The following PTPN14 variants were observed in gnomAD, a reference collection of about 807,000 sequenced individuals.
PTPN14 encodes protein tyrosine phosphatase non-receptor type 14.
In PTPN14, 53 loss-of-function variants were observed where a neutral mutation model predicts 126.8. That is an observed-to-expected ratio of 0.42 (90% CI 0.34 to 0.53). The LOEUF (loss-of-function observed/expected upper bound fraction) is 0.53. Among genes scored for constraint, PTPN14 ranks in the 20% least tolerant of loss-of-function variants. The pLI is 0.08. For synonymous variants in PTPN14, 630 were observed against 599.3 expected (o/e 1.05, Z -0.75); for missense variants, 1,257 against 1,552.9 (o/e 0.81, Z 3.20).
At chr1:214,449,967 C>A (rs1660236172) in intron 3 of PTPN14, among the ~76,000 whole-genome samples, 1 of 151,674 alleles carries the variant, frequency 6.6e-6, no homozygotes, top group Admixed American at 6.6e-5. Context: ...TTCATCTCTA[C>A]AAAATTAGAA....
intron 1 of PTPN14, among the ~76,000 whole-genome samples, chr1:214,494,817 G>A (rs1328081928): frequency 6.6e-6 from 1 of 152,126 alleles, no homozygotes; most frequent in Non-Finnish European, 1.5e-5. Context: ...TGTGTTCCTT[G>A]ACAATATTCA....
At chr1:214,434,304 AAG>A (rs1363776836) in intron 3 of PTPN14, among the ~76,000 whole-genome samples, 3 of 152,174 alleles carry the variant, frequency 2.0e-5, no homozygotes, top group Admixed American at 6.5e-5. Flanking sequence ...AAGCCAAGGA[AAG>A]AGAGGATTTT....
At chr1:214,510,447 G>A (rs1361400014) in intron 1 of PTPN14, among the ~76,000 whole-genome samples, 7 of 152,148 alleles carry the variant, frequency 4.6e-5, no homozygotes, top group Non-Finnish European at 7.3e-5. Context: ...CCTGTGAAAC[G>A]CAATAAAATG....
At chr1:214,382,926 G>A (rs1447593817) in intron 13 of PTPN14, among the ~76,000 whole-genome samples, 2 of 152,210 alleles carry the variant, frequency 1.3e-5, no homozygotes, top group Non-Finnish European at 2.9e-5. Context: ...AGGCGGTATA[G>A]GGATGTTGCT....
At chr1:214,491,912 C>T (rs1474175455) in intron 1 of PTPN14, among the ~76,000 whole-genome samples, 1 of 152,102 alleles carries the variant, frequency 6.6e-6, no homozygotes, top group Non-Finnish European at 1.5e-5. Flanking sequence ...TTACTACACT[C>T]GATCTTGGTT....
intron 7 of PTPN14, 37 bp from the exon 8 acceptor site, chr1:214,398,038 A>G (rs754557893): frequency 1.4e-6 from 2 of 1,472,816 alleles, no homozygotes; most frequent in East Asian, 2.3e-5. Context: ...GTGATGACCC[A>G]TGTTCACTGC....
rs778430533 is a variant in PTPN14 at position 214,355,307 on chromosome 1, C to CA, written c.*2614dup. 6.6e-6 allele frequency: 1 copy of CA among 152,176 alleles called. No individual in the cohort carries two copies. The highest frequency in any genetic ancestry group is 1.5e-5 in the Non-Finnish European group (1 of 68,028). 9.4% of individuals were successfully genotyped at this position (152,176 alleles called of 1,614,324 possible). A position where few individuals can be genotyped will look rare whatever the true frequency, so the allele number is the denominator to read the frequency against. ...AGATCTATATGCTGTCCACATGAGA[C>CA]ATATTCTAACAGTGCCCACCTTGGG... On this transcript the variant is annotated 3_prime_UTR_variant, in exon 19 of 19. Coordinates refer to ENST00000366956, the MANE Select transcript of PTPN14 (RefSeq NM_005401.5).
chr1:214,420,460 GATA>G (rs200289459), intron 3 of PTPN14, among the ~76,000 whole-genome samples: 1,582 of 152,214 alleles, frequency 0.01, 25 homozygotes, highest in African/African-American at 0.036. Context: ...TCCTAAAAAG[GATA>G]ATATTTGTTT....
chr1:214,352,651 G>C lies in PTPN14; in HGVS notation c.*5271C>G, dbSNP rs1018452838. 2 of 152,208 alleles carry C rather than the reference G, an allele frequency of 1.3e-5. No homozygotes were observed. The highest frequency in any genetic ancestry group is 4.8e-5 in the African/African-American group (2 of 41,454). 9.4% of individuals were successfully genotyped at this position (152,208 alleles called of 1,614,324 possible). ...GCGTTCAAGAGAAGTATCAAATGCAGTTTAACATCTTACAGCTTTATTTCC... is the reference window on the plus strand; with the variant it reads ...GCGTTCAAGAGAAGTATCAAATGCACTTTAACATCTTACAGCTTTATTTCC... On this transcript the variant is annotated 3_prime_UTR_variant, in exon 19 of 19. Coordinates refer to ENST00000366956, the MANE Select transcript of PTPN14 (RefSeq NM_005401.5).
chr1:214,497,897 T>C (rs2102426714), intron 1 of PTPN14, among the ~76,000 whole-genome samples: 1 of 152,208 alleles, frequency 6.6e-6, no homozygotes, highest in East Asian at 1.9e-4. Context: ...GCTGTCAATT[T>C]CATTAGAAAC....
rs138342668 is a variant in PTPN14 at position 214,513,714 on chromosome 1, T to A, written c.-155+37469A>T. On this transcript the variant is annotated intron_variant, in intron 1 of 18. Coordinates refer to ENST00000366956, the MANE Select transcript of PTPN14 (RefSeq NM_005401.5). The stretch of plus-strand genomic sequence containing the variant: ...ATCCCACATCTGCTACTGCTAGCTG[T>A]GTCAGTTGAGCTATATTTTTTCTGT... Among the ~76,000 whole-genome samples the A allele has an allele frequency of 1.2e-4, 18 of 152,296 alleles. No homozygotes were observed. In the East Asian group the frequency reaches 3.5e-3, roughly 29 times the overall value.
At chr1:214,532,869 TG>T in intron 1 of PTPN14, 1 of 1,046,886 alleles carries the variant, frequency 9.6e-7, no homozygotes, top group Non-Finnish European at 1.5e-6. Flanking sequence ...TTGCCAGCTC[TG>T]GGTTGACCAT....
intron 13 of PTPN14, among the ~76,000 whole-genome samples, chr1:214,380,411 A>AT (rs1658445499): frequency 6.6e-6 from 1 of 152,158 alleles, no homozygotes; most frequent in Non-Finnish European, 1.5e-5. Context: ...GTTACCAGAG[A>AT]TAAAAAAAAT....
intron 1 of PTPN14, among the ~76,000 whole-genome samples, chr1:214,520,065 A>ATATATATATATATATAT (rs1553274992): frequency 6.9e-4 from 49 of 71,084 alleles, no homozygotes; most frequent in East Asian, 2.9e-3. Flanking sequence ...AAAAAAAAAA[A>ATATATATATATATATAT]ATATATATAT....
chr1:214,451,970 T>C lies in PTPN14; in HGVS notation c.179A>G (p.His60Arg). 6.2e-7 allele frequency: 1 copy of C among 1,613,350 alleles called. No homozygotes were observed. Among genetic ancestry groups the C allele is most frequent in the Non-Finnish European group, 8.5e-7 (1 of 1,179,660 alleles). The part of the protein sequence containing the change: ...VAQRLELRET[H>R]YFGLWFLSKS... ...GCTGAGAAACCAAAGGCCAAAGTAG[T>C]GCGTCTAGATAAAAGGGTAAAATAG... The change falls in exon 3 of 19, where the codon CAC becomes CGC. Residue 60 changes from histidine to arginine, a missense_variant. By Grantham distance (29) the His-to-Arg change is conservative (BLOSUM62 0). Coordinates refer to ENST00000366956, the MANE Select transcript of PTPN14 (RefSeq NM_005401.5).
chr1:214,496,827 T>A (rs756661221), intron 1 of PTPN14, among the ~76,000 whole-genome samples: 9 of 152,084 alleles, frequency 5.9e-5, no homozygotes, highest in Non-Finnish European at 1.2e-4. Context: ...AAAAATCCTA[T>A]ATAAAAATAT....
At chr1:214,363,540 G>A (rs1658003240) in intron 18 of PTPN14, among the ~76,000 whole-genome samples, 1 of 152,100 alleles carries the variant, frequency 6.6e-6, no homozygotes, top group Non-Finnish European at 1.5e-5. Context: ...AACTGAGTAA[G>A]AACCAAATCT....
chr1:214,369,603 G>A lies in PTPN14; in HGVS notation c.3125C>T (p.Thr1042Met), dbSNP rs540376362. The A allele has an allele frequency of 1.4e-5, 23 of 1,614,030 alleles. No homozygotes were observed. The highest frequency in any genetic ancestry group is 1.1e-4 in the South Asian group (10 of 91,080). ...SATYGKFKVT[T>M]KFRTDSVCYA... ...GCAAACAGAATCCGTTCGAAACTTC[G>A]TGGTGACCTTGAACTTGCCATAGGT... The change falls in exon 17 of 19, where the codon ACG becomes ATG. Residue 1042 changes from threonine to methionine, a missense_variant. Thr to Met is a moderately conservative substitution (Grantham distance 81). Transcript: ENST00000366956.
rs10585995 is a variant in PTPN14, at chr1:214,464,181, GT to G, written c.174+448del. ...ATGCTTTTTCTCTTTATTCGGTGGG[GT>G]TTTTTTTTTTTTAGAGGAAAATATA... is the stretch of plus-strand genomic sequence containing the variant. On this transcript the variant is annotated intron_variant, in intron 2 of 18. Coordinates refer to ENST00000366956, the MANE Select transcript of PTPN14 (RefSeq NM_005401.5). Among the ~76,000 whole-genome samples the G allele has an allele frequency of 8.8e-3, 1,197 of 136,344 alleles. 20 individuals carry two copies. Among genetic ancestry groups the G allele is most frequent in the Non-Finnish European group, 0.012 (779 of 65,068 alleles). 89.4% of individuals were successfully genotyped at this position (136,344 alleles called of 152,430 possible).
Sources: allele counts gnomAD v4.1 joint callset (sites outside exome capture counted in the v4.1 genomes callset), GRCh38; gene constraint gnomAD v4.1.1; transcripts MANE v1.5; gene names NCBI Gene and HGNC (gene_info 2026-07-23, HGNC 2026-07-21).